The following TIAM1 variants were observed in gnomAD, a reference collection of about 807,000 sequenced individuals.
TIAM1 encodes the protein rho guanine nucleotide exchange factor TIAM1.
TIAM1 carries 65 observed loss-of-function variants against 163.5 expected under a neutral mutation model. The ratio of observed to expected loss-of-function variants is 0.40; its 90% CI spans 0.33 to 0.49. The LOEUF (loss-of-function observed/expected upper bound fraction) is 0.49, where lower values mean the gene tolerates loss of function less well. TIAM1 is among the 20% of genes least tolerant of loss of function. The pLI, the probability that TIAM1 is intolerant of heterozygous loss-of-function variation, is 0.77. For synonymous variants in TIAM1, 833 were observed against 810.1 expected (o/e 1.03, Z -0.48); for missense variants, 1,789 against 2,044.7 (o/e 0.87, Z 2.41).
chr21:31,549,095 T>C (rs2048596082), intron 1 of TIAM1, among the ~76,000 whole-genome samples: 1 of 152,246 alleles, frequency 6.6e-6, no homozygotes, highest in African/African-American at 2.4e-5. Context: ...CAAGAAGCTC[T>C]GATAAATAAA....
chr21:31,309,755 A>C (rs2074852546), intron 2 of TIAM1, among the ~76,000 whole-genome samples: 1 of 152,228 alleles, frequency 6.6e-6, no homozygotes, highest in Non-Finnish European at 1.5e-5. Flanking sequence ...CCCTATAAGA[A>C]ACTATATGAA....
chr21:31,187,260 A>G (rs1430590352), intron 13 of TIAM1, among the ~76,000 whole-genome samples, 173 bp from the exon 14 acceptor site: 1 of 152,238 alleles, frequency 6.6e-6, no homozygotes, highest in Non-Finnish European at 1.5e-5. Context: ...TCACTCTGGA[A>G]GTCACTACTT....
At chr21:31,213,333 T>C in intron 10 of TIAM1, 65 bp downstream of exon 10, 1 of 1,414,590 alleles carries the variant, frequency 7.1e-7, no homozygotes, top group South Asian at 1.3e-5. Context: ...AAGACAACAC[T>C]GCACCATGTA....
intron 2 of TIAM1, among the ~76,000 whole-genome samples, chr21:31,425,735 C>T (rs979933731): frequency 8.0e-5 from 12 of 149,934 alleles, no homozygotes; most frequent in Admixed American, 3.4e-4. Context: ...CTCGCTCTGT[C>T]GCCCAGGCTG....
chr21:31,210,603 AAGG>A (rs1569031512), intron 10 of TIAM1, among the ~76,000 whole-genome samples: 122 of 108,292 alleles, frequency 1.1e-3, no homozygotes, highest in Non-Finnish European at 1.6e-3. Context: ...AGAGAGAAAG[AAGG>A]AAGGAAGGGA....
At chr21:31,243,425 T>C (rs2071327350) in intron 6 of TIAM1, among the ~76,000 whole-genome samples, 1 of 151,510 alleles carries the variant, frequency 6.6e-6, no homozygotes, top group South Asian at 2.1e-4. Context: ...AGCATACTAA[T>C]GTAAACACAA....
chr21:31,222,092 A>C (rs2087592512), intron 8 of TIAM1, among the ~76,000 whole-genome samples: 1 of 152,216 alleles, frequency 6.6e-6, no homozygotes, highest in Non-Finnish European at 1.5e-5. Context: ...ACTTCTTTAA[A>C]AATGTAAATC....
At chr21:31,223,359 A>G in intron 8 of TIAM1, 47 bp downstream of exon 8, 2 of 1,550,628 alleles carry the variant, frequency 1.3e-6, no homozygotes, top group East Asian at 2.3e-5. Context: ...GCTCAGGATT[A>G]AGCGTCAAGC....
intron 2 of TIAM1, among the ~76,000 whole-genome samples, chr21:31,409,205 G>A (rs7283457): frequency 0.16 from 24,264 of 151,606 alleles, 2,815 homozygotes; most frequent in African/African-American, 0.33. Flanking sequence ...CCACCTCCTG[G>A]GTTCAAGGAT....
intron 15 of TIAM1, among the ~76,000 whole-genome samples, chr21:31,173,270 A>G (rs1050756908): frequency 4.6e-5 from 7 of 151,994 alleles, no homozygotes; most frequent in African/African-American, 1.5e-4. Context: ...AACTTTTAAA[A>G]GGTCTTTTTA....
chr21:31,196,335 G>A (rs913061333), intron 12 of TIAM1, among the ~76,000 whole-genome samples: 6 of 148,534 alleles, frequency 4.0e-5, no homozygotes, highest in Middle Eastern at 3.2e-3. Flanking sequence ...TTTTTCACAC[G>A]GAGTGTTGCT....
At chr21:31,272,864 A>C (rs530902283) in intron 3 of TIAM1, among the ~76,000 whole-genome samples, 1 of 152,340 alleles carries the variant, frequency 6.6e-6, no homozygotes, top group South Asian at 2.1e-4. Flanking sequence ...ATGTGATCAG[A>C]AAGTACAAAG....
At chr21:31,319,165 T>C (rs1397763266) in intron 2 of TIAM1, among the ~76,000 whole-genome samples, 1 of 152,100 alleles carries the variant, frequency 6.6e-6, no homozygotes, top group Non-Finnish European at 1.5e-5. Context: ...AGCTTTACTT[T>C]CTGCTGTGCA....
intron 22 of TIAM1, among the ~76,000 whole-genome samples, chr21:31,136,761 G>A (rs1303306299): frequency 6.6e-6 from 1 of 152,182 alleles, no homozygotes; most frequent in Non-Finnish European, 1.5e-5. Flanking sequence ...AGATGCTAAT[G>A]GCCGTCCATG....
intron 2 of TIAM1, among the ~76,000 whole-genome samples, chr21:31,297,498 G>A (rs1464113512): frequency 6.6e-6 from 1 of 152,178 alleles, no homozygotes; most frequent in Non-Finnish European, 1.5e-5. Context: ...GGGTTCAGGA[G>A]ATTCTCCCGC....
chr21:31,368,327 G>A (rs557163669), intron 2 of TIAM1, among the ~76,000 whole-genome samples: 4 of 151,466 alleles, frequency 2.6e-5, no homozygotes, highest in Non-Finnish European at 5.9e-5. Context: ...TTTATTTTAC[G>A]CTTTCTTAAT....
chr21:31,489,656 T>A lies in TIAM1; in HGVS notation c.-421-25621A>T, dbSNP rs1450086351. Among the ~76,000 whole-genome samples, 3 of 146,728 alleles carry A rather than the reference T, an allele frequency of 2.0e-5. No individual in the cohort carries two copies. The East Asian group carries it at 6.2e-4, about 30-fold the overall frequency. On this transcript the variant is annotated intron_variant, in intron 1 of 28. Transcript: ENST00000286827. ...CTACAACCATGACCTTAGGAAGCCA[T>A]CCTCAGGAAGCCACGCTCACAGCAC...
At chr21:31,554,334 C>T (rs751681349) in intron 1 of TIAM1, among the ~76,000 whole-genome samples, 5 of 152,138 alleles carry the variant, frequency 3.3e-5, no homozygotes, top group Non-Finnish European at 5.9e-5. Context: ...CATACTCTAG[C>T]GGGGCAGAAG....
chr21:31,179,431 A>T (rs1419220836), intron 15 of TIAM1, among the ~76,000 whole-genome samples: 1 of 152,086 alleles, frequency 6.6e-6, no homozygotes, highest in Non-Finnish European at 1.5e-5. Flanking sequence ...AACTACATTA[A>T]AACATAAACT....
Sources: allele counts gnomAD v4.1 joint callset (sites outside exome capture counted in the v4.1 genomes callset), GRCh38; gene constraint gnomAD v4.1.1; transcripts MANE v1.5; gene names NCBI Gene and HGNC (gene_info 2026-07-23, HGNC 2026-07-21).